TACO1: variants seen among roughly 807,000 people sequenced by gnomAD.
The protein encoded by TACO1 is translational activator of cytochrome c oxidase 1.
In TACO1, 13 loss-of-function variants were observed where a neutral mutation model predicts 24.0. That is an observed-to-expected ratio of 0.54 (90% confidence interval 0.35 to 0.86). TACO1 has a LOEUF of 0.86. Among genes scored for constraint, TACO1 ranks in the 40% least tolerant of loss-of-function variants. The pLI, the probability that TACO1 is intolerant of heterozygous loss-of-function variation, is 0.01. For synonymous variants in TACO1, 149 were observed against 153.5 expected (o/e 0.97, Z 0.22); for missense variants, 352 against 380.1 (o/e 0.93, Z 0.61).
chr17:63,604,031 A>C (rs1275575707), intron 1 of TACO1, among the ~76,000 whole-genome samples: 1 of 151,578 alleles, frequency 6.6e-6, no homozygotes, highest in Non-Finnish European at 1.5e-5. Flanking sequence ...AAAAAAAAAA[A>C]GTACTTTTCC....
chr17:63,605,233 G>C (rs1368288474), intron 2 of TACO1, among the ~76,000 whole-genome samples: 2 of 152,118 alleles, frequency 1.3e-5, no homozygotes, highest in Non-Finnish European at 2.9e-5. Flanking sequence ...CAGTGTGGGA[G>C]AAAGCCCTTA....
chr17:63,606,881 G>A, intron 3 of TACO1: 1 of 361,732 alleles, frequency 2.8e-6, no homozygotes, highest in East Asian at 7.0e-5. Context: ...AGAATCTAAT[G>A]AGTTAATTGA....
At position 63,601,005 on chromosome 17, in the gene TACO1, A is replaced by G; in HGVS notation, c.-79A>G. On this transcript the variant is annotated 5_prime_UTR_variant, in exon 1 of 5. Coordinates refer to ENST00000258975, the MANE Select transcript of TACO1 (RefSeq NM_016360.4). ...GGCACAGGCGGCCGCGGGGTCCGGA[A>G]CTGCTTGTTCCGGCAGTGGAAGAGA... is the stretch of plus-strand genomic sequence containing the variant. The G allele has an allele frequency of 6.7e-7, 1 of 1,503,336 alleles. No individual in the cohort carries two copies. The allele number at this position is 1,503,336 out of a possible 1,614,324, so 93.1% of individuals were successfully genotyped here.
intron 2 of TACO1, 51 bp from the exon 3 acceptor site, chr17:63,606,260 CAT>C (rs1456081835): frequency 9.3e-6 from 15 of 1,610,428 alleles, no homozygotes; most frequent in African/African-American, 1.3e-5. Context: ...TCTGGGCTGA[CAT>C]GTGGGAAGGA....
chr17:63,600,940 C>A lies in TACO1; in HGVS notation c.-144C>A. 1 of 941,426 alleles carries A rather than the reference C, an allele frequency of 1.1e-6. No individual in the cohort carries two copies. Among genetic ancestry groups the A allele is most frequent in the Non-Finnish European group, 1.6e-6 (1 of 629,452 alleles). 58.3% of individuals were successfully genotyped at this position (941,426 alleles called of 1,614,324 possible). A position where few individuals can be genotyped will look rare whatever the true frequency, so the allele number is the denominator to read the frequency against. ...CAGTGTAGGGTCATTAGCTGTTGAG[C>A]CGCCCCGGGCGGGCCCAAGCCTTTG... On this transcript the variant is annotated 5_prime_UTR_variant, in exon 1 of 5. Coordinates refer to ENST00000258975, the MANE Select transcript of TACO1 (RefSeq NM_016360.4).
chr17:63,603,861 C>G (rs552845804), intron 1 of TACO1, among the ~76,000 whole-genome samples: 52 of 150,284 alleles, frequency 3.5e-4, no homozygotes, highest in African/African-American at 1.2e-3. Context: ...ACAAAAAATA[C>G]GAAAAAAATT....
chr17:63,604,512 T>C (rs1266943218), intron 1 of TACO1, 22 bp from the exon 2 acceptor site: 2 of 1,601,168 alleles, frequency 1.2e-6, no homozygotes, highest in Non-Finnish European at 1.7e-6. Flanking sequence ...CACTCTTTTT[T>C]TTCTTTTTCT....
At chr17:63,606,619 C>T (rs2033864462) in intron 3 of TACO1, 179 bp downstream of exon 3, 1 of 692,982 alleles carries the variant, frequency 1.4e-6, no homozygotes, top group East Asian at 2.8e-5. Context: ...GATCTTGGCT[C>T]ACTGCAACCT....
At position 63,601,120 on chromosome 17, in the gene TACO1, G is replaced by A; in HGVS notation, c.37G>A (p.Ala13Thr). Residue 13 changes from alanine to threonine, a missense_variant, in exon 1 of 5, where the codon GCT becomes ACT. Coordinates refer to ENST00000258975, the MANE Select transcript of TACO1 (RefSeq NM_016360.4). ...AWAAASLSRA[A>T]ARCLLARGPG... ...GGCTGCTGCCAGCCTAAGCAGGGCC[G>A]CTGCCCGATGCTTGCTGGCACGAGG... The A allele has an allele frequency of 6.5e-7, 1 of 1,542,116 alleles. No individual in the cohort carries two copies. The highest frequency in any genetic ancestry group is 8.7e-7 in the Non-Finnish European group (1 of 1,145,376).
chr17:63,606,248 G>T (rs2033860850), intron 2 of TACO1, 65 bp from the exon 3 acceptor site: 1 of 1,606,656 alleles, frequency 6.2e-7, no homozygotes, highest in East Asian at 2.2e-5. Flanking sequence ...GATACTTGTA[G>T]TTCTGGGCTG....
In TACO1 at chr17:63,608,095, G is replaced by A. The variant is rs1045126959; in HGVS notation, c.*93G>A. ...GCAGCAATCTCTGAGGGTAAAGCCG[G>A]TGGGAGGCTCAGCAGGCCAGGAGGC... On this transcript the variant is annotated 3_prime_UTR_variant, in exon 5 of 5. Transcript: ENST00000258975. 12 of 1,446,516 alleles carry A rather than the reference G, an allele frequency of 8.3e-6. No homozygotes were observed. The highest frequency in any genetic ancestry group is 1.2e-5 in the South Asian group (1 of 84,650). The allele number at this position is 1,446,516 out of a possible 1,614,324, so 89.6% of individuals were successfully genotyped here.
At chr17:63,604,453 G>A in intron 1 of TACO1, 81 bp from the exon 2 acceptor site, 1 of 1,247,164 alleles carries the variant, frequency 8.0e-7, no homozygotes, top group Non-Finnish European at 1.2e-6. Flanking sequence ...GGCTTGGTGG[G>A]GCTGGAAATC....
Position 63,602,101 on chromosome 17 carries a change from A to AAC in TACO1, c.280+739_280+740insCA, listed in dbSNP as rs1555683614. 2.0e-5 allele frequency among the ~76,000 whole-genome samples: 3 copies of AAC among 150,722 alleles called. No homozygotes were observed. In the East Asian group the frequency reaches 5.8e-4, roughly 29 times the overall value. Reference sequence around the variant, plus strand: ...TCTACTAAAAATAACAAAAAAAAAAAAAAAAAAAAACAGCTGGGCATGGTG... The same window carrying AAC: ...TCTACTAAAAATAACAAAAAAAAAAAACAAAAAAAAAACAGCTGGGCATGGTG... On this transcript the variant is annotated intron_variant, in intron 1 of 4. Transcript: ENST00000258975.
Position 63,607,293 on chromosome 17 carries a change from G to C in TACO1, c.522G>C (p.Val174=). The part of the protein sequence containing the change: ...IRHILNKNGG[V]MAVGARHSFD... Reference sequence around the variant, plus strand: ...CTGTTTCCTTCCCTGTCAGAGGAGTGATGGCTGTAGGAGCTCGTCACTCTT... The same window carrying C: ...CTGTTTCCTTCCCTGTCAGAGGAGTCATGGCTGTAGGAGCTCGTCACTCTT... Residue 174 remains valine (V), a synonymous_variant, in exon 4 of 5, where the codon GTG becomes GTC. Coordinates refer to ENST00000258975, the MANE Select transcript of TACO1 (RefSeq NM_016360.4). 1 of 1,613,710 alleles carries C rather than the reference G, an allele frequency of 6.2e-7. No individual in the cohort carries two copies.
At chr17:63,607,526 C>T in intron 4 of TACO1, 62 bp downstream of exon 4, 1 of 1,558,836 alleles carries the variant, frequency 6.4e-7, no homozygotes, top group South Asian at 1.1e-5. Flanking sequence ...ATGCCTTATG[C>T]ATGCCTCTTG....
At position 63,606,327 on chromosome 17, in the gene TACO1, T is replaced by G; in HGVS notation, c.402T>G (p.Thr134=). 4.3e-6 allele frequency: 7 copies of G among 1,613,640 alleles called. No individual in the cohort carries two copies. Among genetic ancestry groups the G allele is most frequent in the Non-Finnish European group, 3.4e-6 (4 of 1,180,036 alleles). ...GTTTATTGCAGAAATCCAAGGACAC[T>G]TATTTGCTGTATGAGGGTCGAGGCC... is the stretch of plus-strand genomic sequence containing the variant. ...TALKMEKSKD[T]YLLYEGRGPG... is the part of the protein sequence containing the mutation. The change falls in exon 3 of 5, where the codon ACT becomes ACG. Residue 134 remains threonine, a synonymous_variant. Transcript: ENST00000258975.
At chr17:63,607,630 T>C (rs923801880) in intron 4 of TACO1, among the ~76,000 whole-genome samples, 166 bp downstream of exon 4, 3 of 152,114 alleles carry the variant, frequency 2.0e-5, no homozygotes, top group Non-Finnish European at 4.4e-5. Flanking sequence ...CCGACTCTAG[T>C]GAGGACTATG....
rs2033878222 is a variant in TACO1 at position 63,608,135 on chromosome 17, T to TG, written c.*134dup. 2 of 987,116 alleles carry TG rather than the reference T, an allele frequency of 2.0e-6. No individual in the cohort carries two copies. The highest frequency in any genetic ancestry group is 1.5e-6 in the Non-Finnish European group (1 of 645,784). 61.1% of individuals were successfully genotyped at this position (987,116 alleles called of 1,614,324 possible). A position where few individuals can be genotyped will look rare whatever the true frequency, so the allele number is the denominator to read the frequency against. On this transcript the variant is annotated 3_prime_UTR_variant, in exon 5 of 5. Transcript: ENST00000258975. ...GGCCAGGAGGCCCAAGGACAGGACT[T>TG]GCGACCTTGAAGCCAAAGGAATCTC...
chr17:63,603,997 T>A (rs55853543), intron 1 of TACO1, among the ~76,000 whole-genome samples: 6 of 146,382 alleles, frequency 4.1e-5, no homozygotes, highest in African/African-American at 1.5e-4. Context: ...CCAGCCTGGG[T>A]GACAAAGTGA....
Sources: allele counts gnomAD v4.1 joint callset (sites outside exome capture counted in the v4.1 genomes callset), GRCh38; gene constraint gnomAD v4.1.1; transcripts MANE v1.5; gene names NCBI Gene and HGNC (gene_info 2026-07-23, HGNC 2026-07-21).